DENND4A: variants seen among roughly 807,000 people sequenced by gnomAD.
DENND4A encodes the protein C-myc promoter-binding protein.
Under a neutral mutation model 199.3 loss-of-function variants are expected in DENND4A, and 70 were observed. The observed-to-expected ratio is 0.35, with a 90% CI of 0.29 to 0.43. The LOEUF is 0.43. Ranked by LOEUF, DENND4A falls within the 20% of genes least tolerant of loss-of-function variation. The probability of loss-of-function intolerance (pLI) is 1.00; values close to 1 mark genes in which losing one functional copy is unlikely to be tolerated. For missense variants in DENND4A, 1,723 were observed against 2,255.8 expected, an observed-to-expected ratio of 0.76 and a Z score of 4.78; for synonymous variants, 686 against 766.9, an observed-to-expected ratio of 0.89 and a Z score of 1.74.
intron 9 of DENND4A, 100 bp downstream of exon 9, chr15:65,731,542 G>T (rs1168474556): frequency 2.2e-6 from 2 of 895,446 alleles, no homozygotes; most frequent in African/African-American, 1.7e-5. Flanking sequence ...TAAATGAGAA[G>T]TATTTCCATC....
chr15:65,727,781 A>G, intron 11 of DENND4A: 1 of 375,230 alleles, frequency 2.7e-6, no homozygotes. Flanking sequence ...GAATAGATTA[A>G]GTATGATTAA....
intron 1 of DENND4A, chr15:65,771,717 C>T (rs1479388025): frequency 6.2e-7 from 1 of 1,610,112 alleles, no homozygotes; most frequent in Non-Finnish European, 8.5e-7. Context: ...AACAAGTCTT[C>T]TGGAGTTATA....
intron 5 of DENND4A, among the ~76,000 whole-genome samples, chr15:65,740,658 T>C (rs985050413): frequency 2.0e-5 from 3 of 149,866 alleles, no homozygotes; most frequent in Non-Finnish European, 3.0e-5. Flanking sequence ...GGTGATAAAT[T>C]GTAGATCTAA....
intron 3 of DENND4A, among the ~76,000 whole-genome samples, chr15:65,754,601 G>A (rs1421937710): frequency 6.6e-6 from 1 of 152,132 alleles, no homozygotes; most frequent in Non-Finnish European, 1.5e-5. Flanking sequence ...ATTAAAAATG[G>A]GGAAAGGATC....
chr15:65,763,159 C>G (rs1403063620), intron 1 of DENND4A, among the ~76,000 whole-genome samples: 2 of 152,082 alleles, frequency 1.3e-5, no homozygotes, highest in African/African-American at 4.8e-5. Flanking sequence ...CACATGCACA[C>G]ACAAAATGAA....
At chr15:65,756,731 A>G (rs1279485732) in intron 2 of DENND4A, among the ~76,000 whole-genome samples, 1 of 152,248 alleles carries the variant, frequency 6.6e-6, no homozygotes, top group Non-Finnish European at 1.5e-5. Context: ...CAACAAAAAG[A>G]GATCTTTTTA....
chr15:65,682,221 T>G (rs1432324628), intron 23 of DENND4A, among the ~76,000 whole-genome samples: 1 of 152,208 alleles, frequency 6.6e-6, no homozygotes, highest in East Asian at 1.9e-4. Context: ...ATGGGCATCT[T>G]CTTCCAATAC....
chr15:65,790,531 C>T (rs2077686670), intron 1 of DENND4A, among the ~76,000 whole-genome samples: 1 of 152,010 alleles, frequency 6.6e-6, no homozygotes, highest in Non-Finnish European at 1.5e-5. Context: ...TATGTTTAAT[C>T]ATTCAGAAAA....
chr15:65,740,966 C>T (rs765570480), intron 5 of DENND4A, among the ~76,000 whole-genome samples: 10 of 151,698 alleles, frequency 6.6e-5, no homozygotes, highest in African/African-American at 1.9e-4. Context: ...CGTACCCCCC[C>T]CAAAAAAAAT....
chr15:65,669,279 T>C (rs1202258785), intron 27 of DENND4A, among the ~76,000 whole-genome samples: 1 of 152,238 alleles, frequency 6.6e-6, no homozygotes, highest in Admixed American at 6.5e-5. Flanking sequence ...TTCCGCACAA[T>C]GGAATTGATT....
At chr15:65,715,079 T>C (rs1267228012) in intron 14 of DENND4A, 1 of 158,220 alleles carries the variant, frequency 6.3e-6, no homozygotes, top group Non-Finnish European at 1.4e-5. Context: ...ATTGTAGAAA[T>C]ATTCAGGTAA....
intron 4 of DENND4A, among the ~76,000 whole-genome samples, chr15:65,746,369 C>CTCT (rs2076392238): frequency 3.9e-5 from 2 of 51,270 alleles, no homozygotes; most frequent in African/African-American, 1.4e-4. Context: ...ACTTTTTTCT[C>CTCT]TTTTTTTTTT....
chr15:65,713,334 T>TA (rs2075301479), intron 14 of DENND4A, among the ~76,000 whole-genome samples: 2 of 152,228 alleles, frequency 1.3e-5, no homozygotes, highest in South Asian at 4.1e-4. Context: ...TCCTTGAGAT[T>TA]ATATAGGTCA....
Position 65,660,413 on chromosome 15 carries a change from T to G in DENND4A, c.*1438A>C. ...CCTCCAGTCCAAGTGTCGTGGACTC[T>G]ACTGGCTTTATACACCTAATTTGGG... On this transcript the variant is annotated 3_prime_UTR_variant, in exon 33 of 33. Transcript: ENST00000443035. 9 of 945,176 alleles carry G rather than the reference T, an allele frequency of 9.5e-6. No homozygotes were observed. The highest frequency in any genetic ancestry group is 2.6e-5 in the East Asian group (1 of 37,890). The allele number at this position is 945,176 out of a possible 1,614,324, so 58.5% of individuals were successfully genotyped here.
At chr15:65,768,979 AG>A (rs1288346131) in intron 1 of DENND4A, among the ~76,000 whole-genome samples, 1 of 151,762 alleles carries the variant, frequency 6.6e-6, no homozygotes, top group Admixed American at 6.6e-5. Flanking sequence ...GGGCGACAAG[AG>A]CAAAACTCTG....
intron 11 of DENND4A, among the ~76,000 whole-genome samples, chr15:65,728,550 C>T (rs1304326417): frequency 6.7e-6 from 1 of 149,308 alleles, no homozygotes; most frequent in African/African-American, 2.5e-5. Flanking sequence ...GTGGCGCGAT[C>T]TCAGCTCACC....
chr15:65,746,261 A>AC (rs1197710540), intron 4 of DENND4A, among the ~76,000 whole-genome samples: 2 of 151,596 alleles, frequency 1.3e-5, no homozygotes, highest in Non-Finnish European at 2.9e-5. Context: ...ATAAGTATCC[A>AC]CATTGTGGTT....
intron 1 of DENND4A, chr15:65,771,490 A>C: frequency 6.2e-7 from 1 of 1,610,686 alleles, no homozygotes. Flanking sequence ...AGAAGGAATA[A>C]GGAGGATTAC....
At chr15:65,734,703 T>C (rs2076063089) in intron 7 of DENND4A, among the ~76,000 whole-genome samples, 1 of 152,112 alleles carries the variant, frequency 6.6e-6, no homozygotes, top group Admixed American at 6.5e-5. Flanking sequence ...TATGAAGTAG[T>C]TAGAACAGAA....
Sources: gnomAD v4.1 joint callset for allele counts (sites outside exome capture counted in the v4.1 genomes callset) on GRCh38, gnomAD v4.1.1 for gene constraint, MANE v1.5 for transcripts, NCBI Gene and HGNC (gene_info 2026-07-23, HGNC 2026-07-21) for gene names.